The following NKX6-1 variants were observed in gnomAD, a reference collection of about 807,000 sequenced individuals.
NKX6-1 encodes homeobox protein Nkx-6.1.
NKX6-1 carries 11 observed loss-of-function variants against 24.9 expected under a neutral mutation model. The observed-to-expected ratio is 0.44, with a 90% CI of 0.28 to 0.73. The LOEUF (loss-of-function observed/expected upper bound fraction) is 0.73, where lower values mean the gene tolerates loss of function less well. Among genes scored for constraint, NKX6-1 ranks in the 30% least tolerant of loss-of-function variants. NKX6-1 has a pLI of 0.15. For synonymous variants in NKX6-1, 277 were observed against 242.9 expected, an observed-to-expected ratio of 1.14 and a Z score of -1.31; for missense variants, 487 against 502.9, an observed-to-expected ratio of 0.97 and a Z score of 0.30.
intron 2 of NKX6-1, among the ~76,000 whole-genome samples, chr4:84,494,557 C>G (rs1720783807): frequency 6.6e-6 from 1 of 152,118 alleles, no homozygotes; most frequent in African/African-American, 2.4e-5. Flanking sequence ...CTTTATACAG[C>G]TATAATAATT....
At chr4:84,494,953 T>A (rs988797854) in intron 2 of NKX6-1, among the ~76,000 whole-genome samples, 1 of 152,224 alleles carries the variant, frequency 6.6e-6, no homozygotes, top group African/African-American at 2.4e-5. Context: ...CTGAAATTTG[T>A]TTCCTTGGAA....
chr4:84,494,192 G>C (rs867296868), intron 2 of NKX6-1, among the ~76,000 whole-genome samples: 2 of 104,352 alleles, frequency 1.9e-5, no homozygotes, highest in African/African-American at 7.7e-5. Context: ...AAAAAAAAAA[G>C]ATCTGTTAAA....
chr4:84,493,658 CG>C lies in NKX6-1; in HGVS notation c.844-110del. ...TCTCGATGGCCCTCCCGCGGCCCCCCGAAGGCCTGCTGCCCTCCCTCGCAGC... is the reference window on the plus strand; with the variant it reads ...TCTCGATGGCCCTCCCGCGGCCCCCCAAGGCCTGCTGCCCTCCCTCGCAGC... On this transcript the variant is annotated intron_variant, in intron 2 of 2. Transcript: ENST00000295886. The surrounding 1 kb of genome is among the most constrained non-coding windows in gnomAD (Gnocchi z 5.1). 3 of 1,371,596 alleles carry C rather than the reference CG, an allele frequency of 2.2e-6. No homozygotes were observed. Among genetic ancestry groups the C allele is most frequent in the Admixed American group, 4.0e-5 (2 of 49,724 alleles). The allele number at this position is 1,371,596 out of a possible 1,614,324, so 85.0% of individuals were successfully genotyped here.
chr4:84,498,209 A>G lies in NKX6-1; in HGVS notation c.20T>C (p.Met7Thr). The G allele has an allele frequency of 7.7e-7, 1 of 1,296,910 alleles. No individual in the cohort carries two copies. The highest frequency in any genetic ancestry group is 9.8e-7 in the Non-Finnish European group (1 of 1,022,272). The allele number at this position is 1,296,910 out of a possible 1,614,324, so 80.3% of individuals were successfully genotyped here. A position where few individuals can be genotyped will look rare whatever the true frequency, so the allele number is the denominator to read the frequency against. Residue 7 changes from methionine to threonine, a missense_variant, in exon 1 of 3, where the codon ATG (methionine) becomes ACG (threonine). By Grantham distance (81) the Met-to-Thr change is moderately conservative. Around this residue, in one of 3 missense-constraint regions of NKX6-1, gnomAD observed 316 missense variants for 311.4 expected, o/e 1.01. Coordinates refer to ENST00000295886, the MANE Select transcript of NKX6-1 (RefSeq NM_006168.3). Reference protein sequence around the residue: MLAVGAMEGTRQSAFLL... With the variant: MLAVGATEGTRQSAFLL... Reference sequence around the variant, plus strand: ...GAATGCGCTCTGCCGGGTGCCCTCCATTGCCCCCACCGCTAACATCCCACG... The same window carrying G: ...GAATGCGCTCTGCCGGGTGCCCTCCGTTGCCCCCACCGCTAACATCCCACG...
rs1720843058 is a variant in NKX6-1, at chr4:84,497,458, C to T, written c.670+101G>A. ...GCGCTGTCAAACTACTGGGGCGGGC[C>T]ACAGGATGGACTGAGCGGCATGCAC... is the stretch of plus-strand genomic sequence containing the variant. On this transcript the variant is annotated intron_variant, in intron 1 of 2. Coordinates refer to ENST00000295886, the MANE Select transcript of NKX6-1 (RefSeq NM_006168.3). The surrounding 1 kb of genome is among the most constrained non-coding windows in gnomAD (Gnocchi z 4.8). 1 of 1,244,688 alleles carries T rather than the reference C, an allele frequency of 8.0e-7. No individual in the cohort carries two copies. The highest frequency in any genetic ancestry group is 4.1e-5 in the South Asian group (1 of 24,356). 77.1% of individuals were successfully genotyped at this position (1,244,688 alleles called of 1,614,324 possible).
intron 1 of NKX6-1, 75 bp from the exon 2 acceptor site, chr4:84,495,919 G>A (rs1720810385): frequency 4.9e-6 from 7 of 1,436,832 alleles, no homozygotes; most frequent in Non-Finnish European, 6.8e-6. Flanking sequence ...GGGAAAAAAC[G>A]AACTCGAAAA....
At position 84,498,083 on chromosome 4, in the gene NKX6-1, G is replaced by A. The variant is rs1378590385; in HGVS notation, c.146C>T (p.Ser49Phe). 4 of 1,259,382 alleles carry A rather than the reference G, an allele frequency of 3.2e-6. No individual in the cohort carries two copies. Among genetic ancestry groups the A allele is most frequent in the African/African-American group, 1.5e-5 (1 of 65,492 alleles). The allele number at this position is 1,259,382 out of a possible 1,614,324, so 78.0% of individuals were successfully genotyped here. A position where few individuals can be genotyped will look rare whatever the true frequency, so the allele number is the denominator to read the frequency against. The change falls in exon 1 of 3, where the codon TCC (serine) becomes TTC (phenylalanine). Residue 49 changes from serine to phenylalanine, a missense_variant. Transcript: ENST00000295886. ...AYPPLPAGPP[S>F]SSSSSSSSSS... is the part of the protein sequence containing the mutation. ...GGAGGACGACGACGAGGACGAGGAGGAGGGGGGGCCGGCAGGCAGCGGGGG... is the reference window on the plus strand; with the variant it reads ...GGAGGACGACGACGAGGACGAGGAGAAGGGGGGGCCGGCAGGCAGCGGGGG...
At chr4:84,494,397 A>G (rs891568610) in intron 2 of NKX6-1, among the ~76,000 whole-genome samples, 9 of 152,320 alleles carry the variant, frequency 5.9e-5, no homozygotes, top group African/African-American at 2.2e-4. Flanking sequence ...TTTTAAGCTT[A>G]TTCATGATGT....
Position 84,492,873 on chromosome 4 carries a change from C to T in NKX6-1, c.*416G>A, listed in dbSNP as rs1330784841. 6.4e-6 allele frequency: 1 copy of T among 155,226 alleles called. No homozygotes were observed. The highest frequency in any genetic ancestry group is 1.4e-5 in the Non-Finnish European group (1 of 70,284). 9.6% of individuals were successfully genotyped at this position (155,226 alleles called of 1,614,324 possible). On this transcript the variant is annotated 3_prime_UTR_variant, in exon 3 of 3. Coordinates refer to ENST00000295886, the MANE Select transcript of NKX6-1 (RefSeq NM_006168.3). ...CCGCCCGCTTCGCTCCGAGGTCCCC[C>T]ATGCGGTGAGCGTGAACCCTTCCAC...
At position 84,498,305 on chromosome 4, in the gene NKX6-1, G is replaced by A. The variant is rs1052197775; in HGVS notation, c.-77C>T. The A allele has an allele frequency of 3.9e-6, 5 of 1,266,016 alleles. No individual in the cohort carries two copies. Among genetic ancestry groups the A allele is most frequent in the Non-Finnish European group, 5.0e-6 (5 of 1,006,086 alleles). 78.4% of individuals were successfully genotyped at this position (1,266,016 alleles called of 1,614,324 possible). ...CCCCCCGCGGGGCTCAGAGGAGCCG[G>A]AAGCGCCGAGGGCGCGAGCGGAGAG... On this transcript the variant is annotated 5_prime_UTR_variant, in exon 1 of 3. Coordinates refer to ENST00000295886, the MANE Select transcript of NKX6-1 (RefSeq NM_006168.3).
In NKX6-1 at chr4:84,497,582, T is replaced by C; in HGVS notation, c.647A>G (p.Asp216Gly). ...ACGAGGGGTACAGGCCAGGCGTGCG[T>C]CCCTCCAGGGCGGGCTCTGCATCAC... ...PGVMQSPPWR[D>G]ARLACTPHQG... The change falls in exon 1 of 3, where the codon GAC becomes GGC. Residue 216 changes from aspartate (D) to glycine (G), a missense_variant. By Grantham distance (94) the Asp-to-Gly change is moderately conservative. Around this residue, in one of 3 missense-constraint regions of NKX6-1, gnomAD observed 316 missense variants for 311.4 expected, o/e 1.01. Transcript: ENST00000295886. The surrounding 1 kb of genome is among the most constrained non-coding windows in gnomAD (Gnocchi z 4.8). 1 of 1,266,180 alleles carries C rather than the reference T, an allele frequency of 7.9e-7. No individual in the cohort carries two copies. Among genetic ancestry groups the C allele is most frequent in the Non-Finnish European group, 1.0e-6 (1 of 999,802 alleles). The allele number at this position is 1,266,180 out of a possible 1,614,324, so 78.4% of individuals were successfully genotyped here.
At position 84,498,112 on chromosome 4, in the gene NKX6-1, C is replaced by G. The variant is rs761026499; in HGVS notation, c.117G>C (p.Ala39=). The change falls in exon 1 of 3, where the codon GCG becomes GCC. Residue 39 remains alanine, a synonymous_variant. Transcript: ENST00000295886. ...GGGGGCCGGCAGGCAGCGGGGGATACGCGGCAGGGTACAGCGGGGTCTTCA... is the reference window on the plus strand; with the variant it reads ...GGGGGCCGGCAGGCAGCGGGGGATAGGCGGCAGGGTACAGCGGGGTCTTCA... ...AEMKTPLYPA[A]YPPLPAGPPS... is the part of the protein sequence containing the mutation. The G allele has an allele frequency of 2.4e-5, 31 of 1,279,660 alleles. No individual in the cohort carries two copies. Among genetic ancestry groups the G allele is most frequent in the African/African-American group, 3.0e-5 (2 of 65,944 alleles). The allele number at this position is 1,279,660 out of a possible 1,614,324, so 79.3% of individuals were successfully genotyped here.
rs755673443 is a variant in NKX6-1 at position 84,493,303 on chromosome 4, C to G, written c.1090G>C (p.Glu364Gln). Residue 364 changes from glutamate to glutamine, a missense_variant, in exon 3 of 3, where the codon GAG (glutamate) becomes CAG (glutamine). Transcript: ENST00000295886. This position sits in a 1 kb window ranked among gnomAD's most constrained non-coding sequence, Gnocchi z 5.1. The stretch of plus-strand genomic sequence containing the variant: ...GGCGGCGGCGTTCAGGATGAGCTCT[C>G]CGGCTCGGACGCGTGCAGTAGGAGG... Reference protein sequence around the residue: ...GGLLLHASEPESSS With the variant: ...GGLLLHASEPQSSS 3.8e-6 allele frequency: 6 copies of G among 1,597,680 alleles called. No homozygotes were observed. The highest frequency in any genetic ancestry group is 1.1e-5 in the South Asian group (1 of 90,220).
In NKX6-1 at chr4:84,493,369, G is replaced by A. The variant is rs1260797492; in HGVS notation, c.1024C>T (p.Leu342=). Residue 342 remains leucine, a synonymous_variant, in exon 3 of 3, where the codon CTG becomes TTG. Transcript: ENST00000295886. This position sits in a 1 kb window ranked among gnomAD's most constrained non-coding sequence, Gnocchi z 5.1. The part of the protein sequence containing the change: ...PNSDDEKITQ[L]LKKHKSSSGG... ...CTGCTGGACTTGTGCTTCTTCAACA[G>A]CTGCGTGATTTTCTCGTCGTCCGAG... 6.2e-7 allele frequency: 1 copy of A among 1,613,852 alleles called. No individual in the cohort carries two copies. Among genetic ancestry groups the A allele is most frequent in the Non-Finnish European group, 8.5e-7 (1 of 1,180,000 alleles).
At chr4:84,496,511 A>G (rs776245619) in intron 1 of NKX6-1, 9 of 152,278 alleles carry the variant, frequency 5.9e-5, no homozygotes, top group Non-Finnish European at 1.0e-4. Context: ...GGCTTTCGCA[A>G]CTTCCCGCAG....
chr4:84,494,843 A>G (rs1255033736), intron 2 of NKX6-1, among the ~76,000 whole-genome samples: 1 of 152,064 alleles, frequency 6.6e-6, no homozygotes, highest in Admixed American at 6.5e-5. Flanking sequence ...AACATAACAA[A>G]CTGAAAAAGA....
rs747380151 is a variant in NKX6-1, at chr4:84,498,268, C to T, written c.-40G>A. The T allele has an allele frequency of 2.3e-6, 3 of 1,288,614 alleles. No individual in the cohort carries two copies. In the African/African-American group the frequency reaches 4.5e-5, roughly 20 times the overall value. 79.8% of individuals were successfully genotyped at this position (1,288,614 alleles called of 1,614,324 possible). On this transcript the variant is annotated 5_prime_UTR_variant, in exon 1 of 3. Transcript: ENST00000295886. The stretch of plus-strand genomic sequence containing the variant: ...GGAGACCGTAGCCTTGCAGCGAGGG[C>T]GCTGGCTGGTGCCCCCCGCGGGGCT...
Position 84,493,271 on chromosome 4 carries a change from TGCGGCGG to T in NKX6-1, c.*11_*17del, listed in dbSNP as rs1268527466. 3 of 1,446,146 alleles carry T rather than the reference TGCGGCGG, an allele frequency of 2.1e-6. 1 individual carries two copies. In the South Asian group the frequency reaches 4.5e-5, roughly 22 times the overall value. The allele number at this position is 1,446,146 out of a possible 1,614,324, so 89.6% of individuals were successfully genotyped here. A position where few individuals can be genotyped will look rare whatever the true frequency, so the allele number is the denominator to read the frequency against. Reference sequence around the variant, plus strand: ...GAGGTGGAGGCCGGAGCCGGGAAGGTGCGGCGGGCGGCGGCGTTCAGGATGAGCTCTC... The same window carrying T: ...GAGGTGGAGGCCGGAGCCGGGAAGGTGCGGCGGCGTTCAGGATGAGCTCTC... On this transcript the variant is annotated 3_prime_UTR_variant, in exon 3 of 3. Transcript: ENST00000295886. The surrounding 1 kb of genome is among the most constrained non-coding windows in gnomAD (Gnocchi z 5.1).
chr4:84,498,661 T>C lies in NKX6-1; in HGVS notation c.-433A>G, dbSNP rs1720880597. On this transcript the variant is annotated 5_prime_UTR_variant, in exon 1 of 3. Transcript: ENST00000295886. Reference sequence around the variant, plus strand: ...AGTTGCCGAATCTCCACTTTGAAGTTGGAGGGTGGGGGTGGCTTGCTTTCT... The same window carrying C: ...AGTTGCCGAATCTCCACTTTGAAGTCGGAGGGTGGGGGTGGCTTGCTTTCT... Among the ~76,000 whole-genome samples, 1 of 152,182 alleles carries C rather than the reference T, an allele frequency of 6.6e-6. No individual in the cohort carries two copies. Among genetic ancestry groups the C allele is most frequent in the Non-Finnish European group, 1.5e-5 (1 of 68,020 alleles).
Sources: gnomAD v4.1 joint callset for allele counts (sites outside exome capture counted in the v4.1 genomes callset) on GRCh38, gnomAD v4.1.1 for gene constraint, gnomAD v4.1.1 regional missense constraint, Gnocchi (gnomAD v3.1) non-coding constraint, MANE v1.5 for transcripts, NCBI Gene and HGNC (gene_info 2026-07-23, HGNC 2026-07-21) for gene names.